Variants in FAT3 observed in about 807,000 individuals in gnomAD.
FAT3 encodes FAT atypical cadherin 3, also known as protocadherin Fat 3.
FAT3 carries 95 observed loss-of-function variants against 310.2 expected under a neutral mutation model. The ratio of observed to expected loss-of-function variants is 0.31; its 90% CI spans 0.26 to 0.36. The LOEUF is 0.36. Among genes scored for constraint, FAT3 ranks in the 10% least tolerant of loss-of-function variants. The probability of loss-of-function intolerance (pLI) is 1.00; values close to 1 mark genes in which losing one functional copy is unlikely to be tolerated. For missense variants in FAT3, 5,408 were observed against 5,715.6 expected, an observed-to-expected ratio of 0.95 and a Z score of 1.74; for synonymous variants, 2,314 against 2,192.9, an observed-to-expected ratio of 1.06 and a Z score of -1.54.
rs138860733 is a variant in FAT3, at chr11:92,573,256, G to T, written c.3607+48308G>T. Among the ~76,000 whole-genome samples the T allele has an allele frequency of 5.5e-3, 840 of 152,246 alleles. 5 individuals are homozygous for T. Among genetic ancestry groups the T allele is most frequent in the African/African-American group, 0.019 (797 of 41,546 alleles). On this transcript the variant is annotated intron_variant, in intron 3 of 27. Coordinates refer to ENST00000525166, the MANE Select transcript of FAT3 (RefSeq NM_001367949.2). ...TGTGCCGTGGGATGACCCTGAAGGA[G>T]TGACTAACTCTGCCTCTCTTTCCTG...
At chr11:92,390,412 C>T (rs1949723007) in intron 2 of FAT3, among the ~76,000 whole-genome samples, 1 of 152,056 alleles carries the variant, frequency 6.6e-6, no homozygotes, top group Non-Finnish European at 1.5e-5. Context: ...CTCAGGGCAC[C>T]CAGCCTAAAC....
At chr11:92,295,499 A>T (rs544342212) in intron 1 of FAT3, among the ~76,000 whole-genome samples, 12 of 152,158 alleles carry the variant, frequency 7.9e-5, no homozygotes, top group Non-Finnish European at 1.8e-4. Context: ...ATGCAGGGTC[A>T]AAAATGCATT....
In FAT3 at chr11:92,483,502, A is replaced by G. The variant is rs368302640; in HGVS notation, c.3293-41132A>G. ...AGGTTTTTCTGTTATTTCTAAGCAA[A>G]GCTGTTTTCTAACATATTTTTGTGT... On this transcript the variant is annotated intron_variant, in intron 2 of 27. Coordinates refer to ENST00000525166, the MANE Select transcript of FAT3 (RefSeq NM_001367949.2). Among the ~76,000 whole-genome samples, 4 of 152,026 alleles carry G rather than the reference A, an allele frequency of 2.6e-5. No individual in the cohort carries two copies. The East Asian group carries it at 5.8e-4, about 22-fold the overall frequency.
At chr11:92,260,866 AG>A (rs1865522114) in intron 1 of FAT3, among the ~76,000 whole-genome samples, 1 of 152,078 alleles carries the variant, frequency 6.6e-6, no homozygotes, top group Non-Finnish European at 1.5e-5. Flanking sequence ...AAGCTGACTG[AG>A]TATGCCAACA....
chr11:92,559,467 C>G lies in FAT3; in HGVS notation c.3607+34519C>G, dbSNP rs906464576. Reference sequence around the variant, plus strand: ...TGGCATGATCATAGCTCACTGCAATCTCGAACTCCTGGATTCAAGGGATAC... The same window carrying G: ...TGGCATGATCATAGCTCACTGCAATGTCGAACTCCTGGATTCAAGGGATAC... On this transcript the variant is annotated intron_variant, in intron 3 of 27. Coordinates refer to ENST00000525166, the MANE Select transcript of FAT3 (RefSeq NM_001367949.2). The G allele has an allele frequency of 1.6e-5, 6 of 373,662 alleles. No homozygotes were observed. The East Asian group carries it at 5.4e-4, about 34-fold the overall frequency. 23.1% of individuals were successfully genotyped at this position (373,662 alleles called of 1,614,324 possible).
intron 1 of FAT3, among the ~76,000 whole-genome samples, chr11:92,235,960 C>T (rs112759772): frequency 0.015 from 2,245 of 152,206 alleles, 68 homozygotes; most frequent in African/African-American, 0.051. Flanking sequence ...TGTTCACAGT[C>T]GAAGGTAAAA....
intron 13 of FAT3, among the ~76,000 whole-genome samples, chr11:92,817,732 G>GA (rs1391776984): frequency 4.6e-5 from 7 of 152,360 alleles, no homozygotes; most frequent in Non-Finnish European, 1.0e-4. Context: ...TATGAAGGAG[G>GA]AATGTATTTA....
At chr11:92,774,540 A>AT (rs1004883178) in intron 7 of FAT3, among the ~76,000 whole-genome samples, 2 of 151,946 alleles carry the variant, frequency 1.3e-5, no homozygotes, top group African/African-American at 2.4e-5. Flanking sequence ...TTACCTCCTC[A>AT]TTTTTTTTAG....
intron 4 of FAT3, among the ~76,000 whole-genome samples, chr11:92,741,186 T>C (rs1945497418): frequency 6.6e-6 from 1 of 152,108 alleles, no homozygotes; most frequent in South Asian, 2.1e-4. Flanking sequence ...GGACCAAAGG[T>C]GCACACCACC....
chr11:92,535,426 A>G (rs1258192554), intron 3 of FAT3, among the ~76,000 whole-genome samples: 2 of 152,188 alleles, frequency 1.3e-5, no homozygotes, highest in Non-Finnish European at 2.9e-5. Context: ...TAAGCTACCC[A>G]GTTTGTGGTG....
chr11:92,702,279 C>T (rs188684614), intron 4 of FAT3, among the ~76,000 whole-genome samples: 146 of 152,194 alleles, frequency 9.6e-4, no homozygotes, highest in South Asian at 4.8e-3. Context: ...AAACAAGGGA[C>T]GCTTAATAAG....
chr11:92,794,617 A>T (rs1947122051), intron 9 of FAT3, among the ~76,000 whole-genome samples: 1 of 152,208 alleles, frequency 6.6e-6, no homozygotes, highest in Non-Finnish European at 1.5e-5. Flanking sequence ...ACCTCTACAG[A>T]CTACAGCATG....
intron 2 of FAT3, among the ~76,000 whole-genome samples, chr11:92,357,998 T>TAA (rs1324054781): frequency 8.3e-6 from 1 of 120,328 alleles, no homozygotes; most frequent in Non-Finnish European, 1.7e-5. Flanking sequence ...GTGGAATTCC[T>TAA]AAAAAAAAAA....
intron 4 of FAT3, among the ~76,000 whole-genome samples, chr11:92,734,889 G>T (rs1945297938): frequency 6.6e-6 from 1 of 152,120 alleles, no homozygotes; most frequent in Non-Finnish European, 1.5e-5. Context: ...GATAGAGGAA[G>T]ATCGGATAAA....
chr11:92,375,078 G>C (rs774043292), intron 2 of FAT3, among the ~76,000 whole-genome samples: 5 of 151,928 alleles, frequency 3.3e-5, no homozygotes, highest in Non-Finnish European at 7.4e-5. Context: ...ATTAGTAATC[G>C]TCAAATAATT....
chr11:92,523,150 C>A (rs754398555), intron 2 of FAT3, among the ~76,000 whole-genome samples: 17 of 151,822 alleles, frequency 1.1e-4, no homozygotes, highest in African/African-American at 3.6e-4. Flanking sequence ...CACATCACTG[C>A]GTTTATAATA....
intron 22 of FAT3, among the ~76,000 whole-genome samples, chr11:92,871,077 G>A (rs1331487463): frequency 1.3e-5 from 2 of 152,174 alleles, no homozygotes; most frequent in East Asian, 1.9e-4. Context: ...GGGAGGCCAG[G>A]AGTTCAAGGT....
At chr11:92,789,488 T>G (rs1946982676) in intron 7 of FAT3, among the ~76,000 whole-genome samples, 1 of 152,200 alleles carries the variant, frequency 6.6e-6, no homozygotes, top group African/African-American at 2.4e-5. Context: ...TGAGAAGCTG[T>G]GACTGCTCTG....
chr11:92,243,601 T>C (rs1312664064), intron 1 of FAT3, among the ~76,000 whole-genome samples: 1 of 152,112 alleles, frequency 6.6e-6, no homozygotes, highest in East Asian at 1.9e-4. Context: ...ATCTGCTTTC[T>C]TGTTACAAAG....
Sources: gnomAD v4.1 joint callset for allele counts (sites outside exome capture counted in the v4.1 genomes callset) on GRCh38, gnomAD v4.1.1 for gene constraint, MANE v1.5 for transcripts, NCBI Gene and HGNC (gene_info 2026-07-23, HGNC 2026-07-21) for gene names.